Variants in DHX30 observed in about 807,000 individuals in gnomAD.
DHX30 encodes ATP-dependent RNA helicase DHX30.
A neutral mutation model predicts 116.9 loss-of-function variants in DHX30; 4 were observed. That is an observed-to-expected ratio of 0.03 (90% CI 0.02 to 0.08). The LOEUF (loss-of-function observed/expected upper bound fraction) is 0.08, where lower values mean the gene tolerates loss of function less well. Ranked by LOEUF, DHX30 falls within the 10% of genes least tolerant of loss-of-function variation. The pLI, the probability that DHX30 is intolerant of heterozygous loss-of-function variation, is 1.00. For missense variants in DHX30, 871 were observed against 1,595.1 expected (o/e 0.55, Z 7.73); for synonymous variants, 697 against 651.7 (o/e 1.07, Z -1.06).
rs758540429 is a variant in DHX30, at chr3:47,847,968, C to T, written c.2286+12C>T. ...ACCTGAAGACCAAGGTGGCACCTAC[C>T]TCCTGGGCCCGGCCAACCACTGGGG... On this transcript the variant is annotated intron_variant, in intron 14 of 21. Transcript: ENST00000445061. This position sits in a 1 kb window ranked among gnomAD's most constrained non-coding sequence, Gnocchi z 5.5. 4.3e-6 allele frequency: 7 copies of T among 1,611,516 alleles called. No individual in the cohort carries two copies. In the Admixed American group the frequency reaches 1.2e-4, roughly 27 times the overall value.
intron 6 of DHX30, among the ~76,000 whole-genome samples, chr3:47,835,170 A>AT (rs552610417): frequency 0.045 from 4,805 of 106,480 alleles, 301 homozygotes; most frequent in African/African-American, 0.13. Context: ...TGCCTGGCTA[A>AT]TTTTTTTTTT....
chr3:47,821,604 T>C (rs1397426748), intron 4 of DHX30, among the ~76,000 whole-genome samples: 1 of 150,178 alleles, frequency 6.7e-6, no homozygotes, highest in Non-Finnish European at 1.5e-5. Context: ...CTTTACTGAT[T>C]GATTGATTGA....
rs1437689533 is a variant in DHX30, at chr3:47,847,201, T to A, written c.1930-72T>A. 4 of 1,590,612 alleles carry A rather than the reference T, an allele frequency of 2.5e-6. No individual in the cohort carries two copies. The African/African-American group carries it at 5.4e-5, about 21-fold the overall frequency. ...TGTCAAGCGGCTCCGTCTCACTGAG[T>A]CAGGTGGCTGTGTCCTTGGCATGAC... On this transcript the variant is annotated intron_variant, in intron 11 of 21. Transcript: ENST00000445061. The surrounding 1 kb of genome is among the most constrained non-coding windows in gnomAD (Gnocchi z 5.5).
intron 6 of DHX30, among the ~76,000 whole-genome samples, chr3:47,830,410 T>C (rs897935371): frequency 2.6e-5 from 4 of 151,452 alleles, no homozygotes; most frequent in African/African-American, 9.7e-5. Context: ...ATCACACCAT[T>C]GCGCTCCAGC....
intron 1 of DHX30, among the ~76,000 whole-genome samples, chr3:47,804,082 G>A (rs1311609446): frequency 6.6e-6 from 1 of 152,194 alleles, no homozygotes; most frequent in African/African-American, 2.4e-5. Context: ...TTCTTGCAAG[G>A]TGGTAACCCC....
At chr3:47,841,234 G>C in intron 7 of DHX30, 56 bp downstream of exon 7, 1 of 1,590,434 alleles carries the variant, frequency 6.3e-7, no homozygotes, top group East Asian at 2.2e-5. Context: ...ACACGGGGAT[G>C]GGCGAATGTT....
chr3:47,816,149 CA>C, intron 3 of DHX30: 1 of 980,474 alleles, frequency 1.0e-6, no homozygotes, highest in Non-Finnish European at 1.2e-6. Flanking sequence ...TGTAAAATCA[CA>C]TACCTATAAA....
chr3:47,840,742 C>G, intron 6 of DHX30, 135 bp from the exon 7 acceptor site: 1 of 1,046,324 alleles, frequency 9.6e-7, no homozygotes. Context: ...CAGTTCTGGA[C>G]TAGGGGCTGA....
chr3:47,816,547 G>A (rs554632896), intron 3 of DHX30: 5 of 936,904 alleles, frequency 5.3e-6, no homozygotes, highest in African/African-American at 3.6e-5. Context: ...TAGTAGAGAC[G>A]GGGTTTCACC....
intron 6 of DHX30, among the ~76,000 whole-genome samples, chr3:47,831,703 G>A (rs528941814): frequency 1.0e-4 from 15 of 148,840 alleles, no homozygotes; most frequent in African/African-American, 3.7e-4. Flanking sequence ...TAGAGATGGG[G>A]TCTTACTATA....
chr3:47,825,873 A>G (rs1003312892), intron 4 of DHX30: 1 of 151,702 alleles, frequency 6.6e-6, no homozygotes, highest in Non-Finnish European at 1.5e-5. Context: ...CCACTTAGAT[A>G]TGGTTTCTTA....
intron 18 of DHX30, 50 bp from the exon 19 acceptor site, chr3:47,849,142 C>G: frequency 6.2e-7 from 1 of 1,613,204 alleles, no homozygotes; most frequent in Admixed American, 1.7e-5. Flanking sequence ...TCTGTCACCT[C>G]CAGCCTGTGG....
intron 4 of DHX30, chr3:47,824,967 G>T: frequency 8.0e-6 from 4 of 502,800 alleles, no homozygotes; most frequent in Non-Finnish European, 1.4e-5. Flanking sequence ...GGCGCGCGGC[G>T]CTCGGGCCGG....
At chr3:47,833,557 A>AAAG (rs2036965273) in intron 6 of DHX30, among the ~76,000 whole-genome samples, 2 of 149,328 alleles carry the variant, frequency 1.3e-5, no homozygotes, top group South Asian at 4.2e-4. Context: ...AAAAAAAAAA[A>AAAG]AGAAAGAGCA....
intron 3 of DHX30, among the ~76,000 whole-genome samples, chr3:47,813,580 C>T (rs933960355): frequency 5.9e-5 from 9 of 152,100 alleles, no homozygotes; most frequent in African/African-American, 1.9e-4. Context: ...GGCCTGTAGC[C>T]CGTGTTGAAG....
rs771350114 is a variant in DHX30, at chr3:47,846,576, C to A, written c.1504C>A (p.Arg502=). Residue 502 remains arginine (R), a synonymous_variant, in exon 11 of 22, where the codon CGG becomes AGG. Transcript: ENST00000445061. The stretch of plus-strand genomic sequence containing the variant: ...CATCTCTGCTGTGTCTGTGGCACAG[C>A]GGGTCAGCCACGAACTGGGCCCCTC... ...RRISAVSVAQ[R]VSHELGPSLR... is the part of the protein sequence containing the mutation. 1.2e-6 allele frequency: 2 copies of A among 1,614,090 alleles called. No homozygotes were observed. The highest frequency in any genetic ancestry group is 4.5e-5 in the East Asian group (2 of 44,882).
chr3:47,808,362 A>G (rs1278747104), intron 2 of DHX30, among the ~76,000 whole-genome samples: 2 of 151,654 alleles, frequency 1.3e-5, no homozygotes, highest in African/African-American at 2.4e-5. Flanking sequence ...GACTGCAAGC[A>G]TGTACCACCA....
chr3:47,834,711 C>T (rs538184034), intron 6 of DHX30, among the ~76,000 whole-genome samples: 5 of 152,136 alleles, frequency 3.3e-5, no homozygotes, highest in African/African-American at 1.2e-4. Flanking sequence ...CCACCTGTCT[C>T]AGCCTCCCAA....
At chr3:47,810,807 G>T in intron 3 of DHX30, 96 bp downstream of exon 3, 1 of 1,301,698 alleles carries the variant, frequency 7.7e-7, no homozygotes, top group Non-Finnish European at 1.1e-6. Flanking sequence ...TGTAGTTCTT[G>T]CACATTTCTT....
Sources: gnomAD v4.1 joint callset for allele counts (sites outside exome capture counted in the v4.1 genomes callset) on GRCh38, gnomAD v4.1.1 for gene constraint, Gnocchi (gnomAD v3.1) non-coding constraint, MANE v1.5 for transcripts, NCBI Gene and HGNC (gene_info 2026-07-23, HGNC 2026-07-21) for gene names.